GTSE1: variants seen among roughly 807,000 people sequenced by gnomAD.
The protein encoded by GTSE1 is G2 and S phase-expressed protein 1.
GTSE1 carries 52 observed loss-of-function variants against 60.5 expected under a neutral mutation model. That is an observed-to-expected ratio of 0.86 (90% confidence interval 0.69 to 1.08). The LOEUF is 1.08. Ranked by LOEUF, GTSE1 falls within the 50% of genes least tolerant of loss-of-function variation. The pLI, the probability that GTSE1 is intolerant of heterozygous loss-of-function variation, is 0.00. For synonymous variants in GTSE1, 368 were observed against 386.5 expected, an observed-to-expected ratio of 0.95 and a Z score of 0.56; for missense variants, 937 against 961.8, an observed-to-expected ratio of 0.97 and a Z score of 0.34.
At position 46,308,227 on chromosome 22, in the gene GTSE1, T is replaced by G. The variant is rs1555890813; in HGVS notation, c.137+20T>G. ...TTCGAGGTAAACAAATGAGTTTTCT[T>G]CCCTTGCCTTGGGCATAACCACATT... On this transcript the variant is annotated intron_variant, in intron 3 of 11. Transcript: ENST00000454366. The G allele has an allele frequency of 1.4e-5, 22 of 1,610,898 alleles. No homozygotes were observed. The highest frequency in any genetic ancestry group is 1.9e-5 in the Non-Finnish European group (22 of 1,177,142).
At position 46,317,833 on chromosome 22, in the gene GTSE1, C is replaced by T. The variant is rs935492123; in HGVS notation, c.1432+1421C>T. On this transcript the variant is annotated intron_variant, in intron 7 of 11. Coordinates refer to ENST00000454366, the MANE Select transcript of GTSE1 (RefSeq NM_016426.7). The surrounding 1 kb of genome is among the most constrained non-coding windows in gnomAD (Gnocchi z 5.6). ...CTGCTGCTGCAAGATGACACCTTCT[C>T]GGCCCTGTGAGCTCCGCTCGTTGCT... Among the ~76,000 whole-genome samples, 1 of 152,052 alleles carries T rather than the reference C, an allele frequency of 6.6e-6. No homozygotes were observed. Among genetic ancestry groups the T allele is most frequent in the Non-Finnish European group, 1.5e-5 (1 of 67,978 alleles).
At chr22:46,308,079 C>A in intron 2 of GTSE1, 71 bp from the exon 3 acceptor site, 2 of 982,924 alleles carry the variant, frequency 2.0e-6, no homozygotes, top group East Asian at 4.8e-5. Context: ...AATTCCAAGC[C>A]ATAGAGCCTG....
rs1256392710 is a variant in GTSE1, at chr22:46,316,184, G to A, written c.1204G>A (p.Val402Ile). ...ASSWQAKRVD[V>I]SELAAEQLTA... ...CTCCTGGCAGGCCAAGCGGGTCGATGTTTCTGAGCTGGCAGCGGAGCAGCT... is the reference window on the plus strand; with the variant it reads ...CTCCTGGCAGGCCAAGCGGGTCGATATTTCTGAGCTGGCAGCGGAGCAGCT... Residue 402 changes from valine (V) to isoleucine (I), a missense_variant, in exon 7 of 12, where the codon GTT becomes ATT. Transcript: ENST00000454366. The surrounding 1 kb of genome is among the most constrained non-coding windows in gnomAD (Gnocchi z 5.0). The A allele has an allele frequency of 2.5e-6, 4 of 1,613,650 alleles. No homozygotes were observed. The highest frequency in any genetic ancestry group is 1.6e-4 in the Middle Eastern group (1 of 6,062).
chr22:46,302,763 TG>T (rs2077696145), intron 2 of GTSE1, among the ~76,000 whole-genome samples: 1 of 152,198 alleles, frequency 6.6e-6, no homozygotes, highest in African/African-American at 2.4e-5. Context: ...TTTAGGGCTT[TG>T]TTTTTTTTCC....
chr22:46,302,518 C>A (rs1265798732), intron 2 of GTSE1, among the ~76,000 whole-genome samples: 1 of 151,972 alleles, frequency 6.6e-6, no homozygotes, highest in Non-Finnish European at 1.5e-5. Flanking sequence ...GAGACTACCA[C>A]GCCTAGCTAA....
At chr22:46,322,304 C>T (rs1048796862) in intron 7 of GTSE1, among the ~76,000 whole-genome samples, 2 of 152,120 alleles carry the variant, frequency 1.3e-5, no homozygotes, top group Non-Finnish European at 2.9e-5. Context: ...CGCCTGGCCT[C>T]CTGGAAGCAC....
At chr22:46,315,662 T>C (rs2077774752) in intron 6 of GTSE1, among the ~76,000 whole-genome samples, 1 of 152,244 alleles carries the variant, frequency 6.6e-6, no homozygotes, top group African/African-American at 2.4e-5. Context: ...GCGTCTTTTT[T>C]CCTTGTTCCC....
Position 46,297,395 on chromosome 22 carries a change from C to T in GTSE1, c.-6C>T, listed in dbSNP as rs770010527. ...CACCCTGCAGTGACTTCTGACAGCTCTCTCCATGGAAGGAGGCGGCGGCCG... is the reference window on the plus strand; with the variant it reads ...CACCCTGCAGTGACTTCTGACAGCTTTCTCCATGGAAGGAGGCGGCGGCCG... On this transcript the variant is annotated 5_prime_UTR_variant, in exon 2 of 12. Coordinates refer to ENST00000454366, the MANE Select transcript of GTSE1 (RefSeq NM_016426.7). The surrounding 1 kb of genome is among the most constrained non-coding windows in gnomAD (Gnocchi z 4.9). 1 of 1,609,642 alleles carries T rather than the reference C, an allele frequency of 6.2e-7. No homozygotes were observed. The highest frequency in any genetic ancestry group is 8.5e-7 in the Non-Finnish European group (1 of 1,175,890).
intron 8 of GTSE1, among the ~76,000 whole-genome samples, chr22:46,325,747 T>C (rs1163271335): frequency 6.6e-6 from 1 of 152,202 alleles, no homozygotes; most frequent in African/African-American, 2.4e-5. Context: ...GCCATCACCT[T>C]GGGGGCTAGG....
rs777667521 is a variant in GTSE1, at chr22:46,313,974, G to A, written c.1012G>A (p.Gly338Arg). ...RKSSSGPVWS[G>R]ASSACTSPAV... is the part of the protein sequence containing the mutation. Reference sequence around the variant, plus strand: ...GTCCTCCTCGGGGCCTGTTTGGAGCGGGGCATCCAGTGCGTGCACATCCCC... The same window carrying A: ...GTCCTCCTCGGGGCCTGTTTGGAGCAGGGCATCCAGTGCGTGCACATCCCC... The change falls in exon 6 of 12, where the codon GGG becomes AGG. Residue 338 changes from glycine (G) to arginine (R), a missense_variant. Gly to Arg is a moderately radical substitution (Grantham distance 125). Coordinates refer to ENST00000454366, the MANE Select transcript of GTSE1 (RefSeq NM_016426.7). The surrounding 1 kb of genome is among the most constrained non-coding windows in gnomAD (Gnocchi z 4.4). 1.4e-5 allele frequency: 23 copies of A among 1,614,046 alleles called. No individual in the cohort carries two copies. The East Asian group carries it at 2.2e-4, about 16-fold the overall frequency.
chr22:46,305,644 C>G (rs12330049), intron 2 of GTSE1, among the ~76,000 whole-genome samples: 1 of 150,820 alleles, frequency 6.6e-6, no homozygotes, highest in Non-Finnish European at 1.5e-5. Context: ...TGCAGTGGCT[C>G]ACGCCTGTAA....
In GTSE1 at chr22:46,319,419, G is replaced by T. The variant is rs1288558307; in HGVS notation, c.1432+3007G>T. On this transcript the variant is annotated intron_variant, in intron 7 of 11. Transcript: ENST00000454366. This position sits in a 1 kb window ranked among gnomAD's most constrained non-coding sequence, Gnocchi z 5.0. ...GAAGGAGGCTGGAGCGCTGCGGTCT[G>T]CCTGACGTTCTGGTAGCTTAGGGCT... Among the ~76,000 whole-genome samples, 2 of 152,164 alleles carry T rather than the reference G, an allele frequency of 1.3e-5. No individual in the cohort carries two copies. Among genetic ancestry groups the T allele is most frequent in the Non-Finnish European group, 2.9e-5 (2 of 68,012 alleles).
At chr22:46,307,847 C>T (rs2077723933) in intron 2 of GTSE1, among the ~76,000 whole-genome samples, 1 of 151,846 alleles carries the variant, frequency 6.6e-6, no homozygotes, top group Non-Finnish European at 1.5e-5. Flanking sequence ...CATGGTGGCT[C>T]ACGCCTGTAA....
chr22:46,326,069 T>C (rs2077841847), intron 8 of GTSE1, among the ~76,000 whole-genome samples: 1 of 152,270 alleles, frequency 6.6e-6, no homozygotes, highest in Admixed American at 6.5e-5. Flanking sequence ...TATGGCAATA[T>C]CTATGACACC....
At position 46,304,385 on chromosome 22, in the gene GTSE1, C is replaced by G. The variant is rs143186161; in HGVS notation, c.80-3765C>G. 6.6e-6 allele frequency among the ~76,000 whole-genome samples: 1 copy of G among 152,154 alleles called. No individual in the cohort carries two copies. The highest frequency in any genetic ancestry group is 6.5e-5 in the Admixed American group (1 of 15,270). On this transcript the variant is annotated intron_variant, in intron 2 of 11. Transcript: ENST00000454366. This position sits in a 1 kb window ranked among gnomAD's most constrained non-coding sequence, Gnocchi z 4.4. ...CTGTCTTTAGAAGGAATACTTCTGA[C>G]GTTATCCCACTGAACCTAATGCTGG...
At position 46,310,910 on chromosome 22, in the gene GTSE1, TGAGA is replaced by T. The variant is rs943332754; in HGVS notation, c.763-1227_763-1224del. On this transcript the variant is annotated intron_variant, in intron 4 of 11. Coordinates refer to ENST00000454366, the MANE Select transcript of GTSE1 (RefSeq NM_016426.7). This position sits in a 1 kb window ranked among gnomAD's most constrained non-coding sequence, Gnocchi z 4.4. The stretch of plus-strand genomic sequence containing the variant: ...GCACCACTGAAAACATTTTGCTCAG[TGAGA>T]GAGGCCATAACAAAAGGTCCCATGT... Among the ~76,000 whole-genome samples, 1 of 151,972 alleles carries T rather than the reference TGAGA, an allele frequency of 6.6e-6. No homozygotes were observed. The highest frequency in any genetic ancestry group is 2.4e-5 in the African/African-American group (1 of 41,394).
chr22:46,325,327 G>A (rs1166059156), intron 8 of GTSE1, among the ~76,000 whole-genome samples: 3 of 152,144 alleles, frequency 2.0e-5, no homozygotes, highest in Non-Finnish European at 4.4e-5. Context: ...CTCACGAGCG[G>A]CTGGGACCAC....
rs781489855 is a variant in GTSE1 at position 46,328,870 on chromosome 22, G to A, written c.1907G>A (p.Gly636Glu). The A allele has an allele frequency of 5.6e-6, 9 of 1,613,590 alleles. No homozygotes were observed. The Admixed American group carries it at 1.5e-4, about 27-fold the overall frequency. ...GCTCGGGAGGAAGCCAAGCCGGGTG[G>A]AGATGCAGCCCCTAGTGAGGTGGGC... ...EVAREEAKPG[G>E]DAAPSEALLV... is the part of the protein sequence containing the mutation. The change falls in exon 10 of 12, where the codon GGA becomes GAA. Residue 636 changes from glycine to glutamate, a missense_variant. Coordinates refer to ENST00000454366, the MANE Select transcript of GTSE1 (RefSeq NM_016426.7).
rs1464017831 is a variant in GTSE1, at chr22:46,330,051, T to C, written c.2141T>C (p.Ile714Thr). Reference sequence around the variant, plus strand: ...CTCCACTCTGCTCTCTTCCAGCTCATAGACCTGAGCTCCCCTCTGATCCAG... The same window carrying C: ...CTCCACTCTGCTCTCTTCCAGCTCACAGACCTGAGCTCCCCTCTGATCCAG... ...AKPSPVVGQL[I>T]DLSSPLIQLS... Residue 714 changes from isoleucine to threonine, a missense_variant, in exon 12 of 12, where the codon ATA becomes ACA. Transcript: ENST00000454366. This position sits in a 1 kb window ranked among gnomAD's most constrained non-coding sequence, Gnocchi z 6.0. 2.5e-6 allele frequency: 4 copies of C among 1,598,200 alleles called. No homozygotes were observed. Among genetic ancestry groups the C allele is most frequent in the Non-Finnish European group, 3.4e-6 (4 of 1,165,532 alleles).
Sources: gnomAD v4.1 joint callset for allele counts (sites outside exome capture counted in the v4.1 genomes callset) on GRCh38, gnomAD v4.1.1 for gene constraint, Gnocchi (gnomAD v3.1) non-coding constraint, MANE v1.5 for transcripts, NCBI Gene and HGNC (gene_info 2026-07-23, HGNC 2026-07-21) for gene names.